The following CNTNAP2 variants were observed in gnomAD, a reference collection of about 807,000 sequenced individuals.
The protein encoded by CNTNAP2 is contactin associated protein 2.
Under a neutral mutation model 155.2 loss-of-function variants are expected in CNTNAP2, and 98 were observed. That is an observed-to-expected ratio of 0.63 (90% CI 0.54 to 0.75). CNTNAP2 has a LOEUF of 0.75. Ranked by LOEUF, CNTNAP2 falls within the 30% of genes least tolerant of loss-of-function variation. The pLI is 0.00. For missense variants in CNTNAP2, 1,727 were observed against 1,688.1 expected, an observed-to-expected ratio of 1.02 and a Z score of -0.40; for synonymous variants, 651 against 631.2, an observed-to-expected ratio of 1.03 and a Z score of -0.47.
chr7:147,315,364 A>G (rs1309908373), intron 9 of CNTNAP2, among the ~76,000 whole-genome samples: 11 of 150,714 alleles, frequency 7.3e-5, no homozygotes, highest in African/African-American at 2.7e-4. Flanking sequence ...CCCAAATAGA[A>G]CCCCAAAACT....
intron 3 of CNTNAP2, among the ~76,000 whole-genome samples, chr7:146,893,451 G>T (rs6944659): frequency 2.1e-5 from 3 of 141,768 alleles, no homozygotes; most frequent in African/African-American, 8.2e-5. Flanking sequence ...ATGTATATAT[G>T]TGTGTGTGTA....
intron 1 of CNTNAP2, among the ~76,000 whole-genome samples, chr7:146,483,285 AT>A (rs869242007): frequency 0.053 from 2,499 of 47,108 alleles, 210 homozygotes; most frequent in South Asian, 0.071. Flanking sequence ...AAAAAAAAAT[AT>A]ATATATATAT....
chr7:147,834,802 A>G (rs1210066475), intron 13 of CNTNAP2, among the ~76,000 whole-genome samples: 1 of 152,250 alleles, frequency 6.6e-6, no homozygotes, highest in Non-Finnish European at 1.5e-5. Context: ...TATCTATGTT[A>G]TATCACACTT....
chr7:147,126,056 C>T (rs1027095618), intron 6 of CNTNAP2, among the ~76,000 whole-genome samples: 1 of 152,174 alleles, frequency 6.6e-6, no homozygotes, highest in Non-Finnish European at 1.5e-5. Context: ...GTGTCCTCCC[C>T]CTCTTAATGA....
At chr7:147,587,681 A>C (rs144137345) in intron 12 of CNTNAP2, among the ~76,000 whole-genome samples, 1 of 152,296 alleles carries the variant, frequency 6.6e-6, no homozygotes, top group Non-Finnish European at 1.5e-5. Flanking sequence ...TCCATCCTTC[A>C]CTGTCCAGCT....
intron 1 of CNTNAP2, among the ~76,000 whole-genome samples, chr7:146,168,842 G>C (rs1798349667): frequency 6.6e-6 from 1 of 152,096 alleles, no homozygotes; most frequent in African/African-American, 2.4e-5. Context: ...TCACTTCTCT[G>C]CTCAAAACCC....
intron 1 of CNTNAP2, among the ~76,000 whole-genome samples, chr7:146,238,015 A>G (rs1222885830): frequency 7.2e-5 from 11 of 152,212 alleles, no homozygotes; most frequent in African/African-American, 2.7e-4. Flanking sequence ...AAGCTTATGT[A>G]TATGATTGTT....
chr7:148,343,136 C>T (rs1343887655), intron 21 of CNTNAP2, among the ~76,000 whole-genome samples: 1 of 152,182 alleles, frequency 6.6e-6, no homozygotes, highest in African/African-American at 2.4e-5. Flanking sequence ...TTTAGCTTGG[C>T]CCTCCACTCT....
At chr7:147,620,541 A>G (rs1801373547) in intron 12 of CNTNAP2, among the ~76,000 whole-genome samples, 1 of 150,432 alleles carries the variant, frequency 6.6e-6, no homozygotes, top group Non-Finnish European at 1.5e-5. Flanking sequence ...TATTTTTTAA[A>G]TTAATTGAAT....
At chr7:147,289,949 ATTTGAAAACATT>A (rs1018228750) in intron 8 of CNTNAP2, among the ~76,000 whole-genome samples, 53 of 152,324 alleles carry the variant, frequency 3.5e-4, no homozygotes, top group African/African-American at 1.1e-3. Context: ...CTATTACTCC[ATTTGAAAACATT>A]TACATATTAT....
At chr7:147,906,160 G>A (rs960148790) in intron 14 of CNTNAP2, among the ~76,000 whole-genome samples, 1 of 152,062 alleles carries the variant, frequency 6.6e-6, no homozygotes, top group Non-Finnish European at 1.5e-5. Flanking sequence ...TCTAAACCCT[G>A]AGGGCTACCA....
At chr7:147,300,060 AATCGTGATTTGTTG>A in intron 8 of CNTNAP2, 67 bp from the exon 9 acceptor site, 1 of 1,439,098 alleles carries the variant, frequency 6.9e-7, no homozygotes, top group Non-Finnish European at 9.7e-7. Flanking sequence ...TTATTTGTAA[AATCGTGATTTGTTG>A]ATTTTGGAAA....
intron 3 of CNTNAP2, among the ~76,000 whole-genome samples, chr7:146,844,310 C>G (rs1017275480): frequency 1.3e-5 from 2 of 151,982 alleles, no homozygotes; most frequent in African/African-American, 4.8e-5. Flanking sequence ...CTAGTCAAAC[C>G]TTCCATTCCT....
At chr7:146,623,667 G>A (rs1223884829) in intron 1 of CNTNAP2, among the ~76,000 whole-genome samples, 2 of 152,098 alleles carry the variant, frequency 1.3e-5, no homozygotes, top group East Asian at 3.8e-4. Context: ...CATTTTGGTT[G>A]TTTCCAGTTT....
chr7:146,118,965 A>G lies in CNTNAP2; in HGVS notation c.97+1992A>G, dbSNP rs531993794. ...TATCCTGGAAATGAATTAAATAATA[A>G]GGATGCTACAGAACTTTATTGATTA... On this transcript the variant is annotated intron_variant, in intron 1 of 23. Coordinates refer to ENST00000361727, the MANE Select transcript of CNTNAP2 (RefSeq NM_014141.6). Among the ~76,000 whole-genome samples, 91 of 152,280 alleles carry G rather than the reference A, an allele frequency of 6.0e-4. 1 individual carries two copies. The South Asian group carries it at 0.018, about 30-fold the overall frequency.
chr7:147,902,695 A>G (rs148823012), intron 13 of CNTNAP2, among the ~76,000 whole-genome samples: 2,081 of 152,082 alleles, frequency 0.014, 48 homozygotes, highest in African/African-American at 0.047. Context: ...ACTTAGAATA[A>G]TAGTCTTCAG....
chr7:147,946,206 A>G (rs1800818049), intron 14 of CNTNAP2, among the ~76,000 whole-genome samples: 1 of 152,146 alleles, frequency 6.6e-6, no homozygotes, highest in South Asian at 2.1e-4. Context: ...ACAGCAAGAC[A>G]AACACATCTA....
intron 12 of CNTNAP2, among the ~76,000 whole-genome samples, chr7:147,638,460 G>A (rs1314797556): frequency 1.3e-5 from 2 of 152,160 alleles, no homozygotes; most frequent in Non-Finnish European, 2.9e-5. Flanking sequence ...AGTATATGGA[G>A]CTTTTATTTA....
intron 11 of CNTNAP2, among the ~76,000 whole-genome samples, chr7:147,495,631 T>C (rs1417657347): frequency 6.6e-6 from 1 of 152,216 alleles, no homozygotes; most frequent in Non-Finnish European, 1.5e-5. Context: ...AGACTGGTCT[T>C]GTTAAAGGAG....
Sources: gnomAD v4.1 joint callset for allele counts (sites outside exome capture counted in the v4.1 genomes callset) on GRCh38, gnomAD v4.1.1 for gene constraint, MANE v1.5 for transcripts, NCBI Gene and HGNC (gene_info 2026-07-23, HGNC 2026-07-21) for gene names.